The following LRRC37A2 variants were observed in gnomAD, a reference collection of about 807,000 sequenced individuals.
LRRC37A2 encodes the protein leucine-rich repeat-containing protein 37A2.
Under a neutral mutation model 68.8 loss-of-function variants are expected in LRRC37A2, and 9 were observed. The ratio of observed to expected loss-of-function variants is 0.13; its 90% CI spans 0.08 to 0.23. The LOEUF is 0.23. Ranked by LOEUF, LRRC37A2 falls within the 10% of genes least tolerant of loss-of-function variation. The probability of loss-of-function intolerance (pLI) is 1.00; values close to 1 mark genes in which losing one functional copy is unlikely to be tolerated. For synonymous variants in LRRC37A2, 63 were observed against 367.6 expected (o/e 0.17, Z 9.48); for missense variants, 168 against 950.4 (o/e 0.18, Z 10.82).
At chr17:46,771,803 G>C in the LRRC37A2 span, among the ~76,000 whole-genome samples, 1 of 142,236 alleles carries the variant, frequency 7.0e-6, no homozygotes, top group South Asian at 2.1e-4. Flanking sequence ...GCCAGAGGGC[G>C]TGTGAATGGC....
At chr17:46,414,688 ATCT>A in the LRRC37A2 span, among the ~76,000 whole-genome samples, 1 of 92,014 alleles carries the variant, frequency 1.1e-5, no homozygotes, top group East Asian at 3.1e-4. Context: ...AACATTCTCA[ATCT>A]TCTTTGATCC....
chr17:46,878,120 TC>T, the LRRC37A2 span, among the ~76,000 whole-genome samples: 1 of 152,136 alleles, frequency 6.6e-6, no homozygotes, highest in South Asian at 2.1e-4. Flanking sequence ...CTTGCAGGGG[TC>T]CCCTTGCTGG....
the LRRC37A2 span, among the ~76,000 whole-genome samples, chr17:46,983,292 T>C: frequency 3.6e-4 from 6 of 16,752 alleles, no homozygotes; most frequent in Middle Eastern, 0.062. Flanking sequence ...CTTTCTTCTT[T>C]TTTTTTTTTT....
At chr17:47,034,784 A>C in the LRRC37A2 span, among the ~76,000 whole-genome samples, 31 of 151,276 alleles carry the variant, frequency 2.0e-4, no homozygotes, top group Middle Eastern at 3.4e-3. Flanking sequence ...GAGGTAGCCG[A>C]CTTTGTACAG....
chr17:46,923,982 A>G, the LRRC37A2 span: 1 of 397,500 alleles, frequency 2.5e-6, no homozygotes, highest in East Asian at 3.6e-5. Flanking sequence ...ATTGTAAAAT[A>G]TACACAACAT....
the LRRC37A2 span, among the ~76,000 whole-genome samples, chr17:46,883,276 C>T: frequency 2.0e-5 from 3 of 151,054 alleles, no homozygotes; most frequent in South Asian, 6.3e-4. Context: ...GCTACTGCGC[C>T]CGGCCTTTTT....
the LRRC37A2 span, among the ~76,000 whole-genome samples, chr17:46,905,952 T>C: frequency 6.6e-6 from 1 of 152,140 alleles, no homozygotes; most frequent in Non-Finnish European, 1.5e-5. Flanking sequence ...CCAGGACATC[T>C]TTCCACAGCA....
At chr17:46,954,799 G>T in the LRRC37A2 span, among the ~76,000 whole-genome samples, 2 of 152,204 alleles carry the variant, frequency 1.3e-5, no homozygotes, top group African/African-American at 4.8e-5. Context: ...TTGTGAATGG[G>T]AGTTCACTCA....
At chr17:46,912,015 C>T in the LRRC37A2 span, among the ~76,000 whole-genome samples, 22 of 152,256 alleles carry the variant, frequency 1.4e-4, no homozygotes, top group South Asian at 4.6e-3. Context: ...CTACACTAGG[C>T]CAACCCCCAT....
the LRRC37A2 span, among the ~76,000 whole-genome samples, chr17:46,892,006 A>G: frequency 2.0e-3 from 259 of 132,754 alleles, no homozygotes; most frequent in African/African-American, 7.4e-3. Context: ...TGCAACCTCC[A>G]CCTCATGGGT....
At chr17:46,959,761 A>AT in the LRRC37A2 span, among the ~76,000 whole-genome samples, 1 of 151,958 alleles carries the variant, frequency 6.6e-6, no homozygotes, top group Non-Finnish European at 1.5e-5. Flanking sequence ...CCACTACAAA[A>AT]CTTTTCCCTT....
chr17:46,404,567 G>A, the LRRC37A2 span, among the ~76,000 whole-genome samples: 1 of 102,494 alleles, frequency 9.8e-6, no homozygotes, highest in African/African-American at 3.3e-5. Flanking sequence ...GTAGAGTGAG[G>A]TTCATCTTTA....
the LRRC37A2 span, among the ~76,000 whole-genome samples, chr17:46,568,764 C>A: frequency 1.1e-5 from 1 of 91,424 alleles, no homozygotes; most frequent in African/African-American, 4.9e-5. Flanking sequence ...AAGATTGTGC[C>A]ACTGCACGAG....
At chr17:46,883,976 G>T in the LRRC37A2 span, among the ~76,000 whole-genome samples, 1 of 152,154 alleles carries the variant, frequency 6.6e-6, no homozygotes, top group African/African-American at 2.4e-5. Flanking sequence ...CGTCTCAGGG[G>T]AGCTGAGCCC....
the LRRC37A2 span, among the ~76,000 whole-genome samples, chr17:46,866,648 A>G: frequency 6.6e-6 from 1 of 152,026 alleles, no homozygotes; most frequent in African/African-American, 2.4e-5. Context: ...CGGGCAGCAC[A>G]AGGCTTTCCC....
chr17:46,777,922 C>T, the LRRC37A2 span, among the ~76,000 whole-genome samples: 1 of 152,198 alleles, frequency 6.6e-6, no homozygotes, highest in Non-Finnish European at 1.5e-5. Context: ...CCAGGTCCCA[C>T]CAACTGTGGA....
the LRRC37A2 span, chr17:47,028,474 G>T: frequency 2.7e-6 from 2 of 742,964 alleles, no homozygotes; most frequent in South Asian, 3.2e-5. Flanking sequence ...CGTGTCTTAA[G>T]ATCCATTCAT....
At chr17:46,657,970 A>ATTTT in the LRRC37A2 span, among the ~76,000 whole-genome samples, 1 of 14,892 alleles carries the variant, frequency 6.7e-5, no homozygotes, top group Non-Finnish European at 1.4e-4. Flanking sequence ...TATTTTATTT[A>ATTTT]TTTTTTTTTT....
chr17:46,766,348 C>T, the LRRC37A2 span, among the ~76,000 whole-genome samples: 3 of 151,474 alleles, frequency 2.0e-5, no homozygotes, highest in Non-Finnish European at 4.4e-5. Flanking sequence ...GCGGAGGTTA[C>T]AGTGAGCCGA....
Sources: allele counts gnomAD v4.1 joint callset (sites outside exome capture counted in the v4.1 genomes callset), GRCh38; gene constraint gnomAD v4.1.1; transcripts MANE v1.5; gene names NCBI Gene and HGNC (gene_info 2026-07-23, HGNC 2026-07-21).